The following RNF150 variants were observed in gnomAD, a reference collection of about 807,000 sequenced individuals.
RNF150 encodes the protein ring finger protein 150.
In RNF150, 24 loss-of-function variants were observed where a neutral mutation model predicts 39.3. The observed-to-expected ratio is 0.61, with a 90% CI of 0.44 to 0.86. RNF150 has a LOEUF of 0.86. Among genes scored for constraint, RNF150 ranks in the 40% least tolerant of loss-of-function variants. The pLI, the probability that RNF150 is intolerant of heterozygous loss-of-function variation, is 0.00. For synonymous variants in RNF150, 255 were observed against 227.3 expected (o/e 1.12, Z -1.10); for missense variants, 502 against 587.8 (o/e 0.85, Z 1.51).
At chr4:140,912,992 G>T (rs983040020) in intron 5 of RNF150, among the ~76,000 whole-genome samples, 1 of 150,870 alleles carries the variant, frequency 6.6e-6, no homozygotes, top group Non-Finnish European at 1.5e-5. Flanking sequence ...AAACACCATG[G>T]GCTGGGCGTG....
At chr4:141,053,578 G>A (rs1381045809) in intron 1 of RNF150, 16 of 583,604 alleles carry the variant, frequency 2.7e-5, no homozygotes, top group Non-Finnish European at 4.2e-5. Flanking sequence ...AGATATAATG[G>A]GGAAAGAAAA....
chr4:141,038,811 G>A (rs1736245876), intron 1 of RNF150, among the ~76,000 whole-genome samples: 1 of 152,170 alleles, frequency 6.6e-6, no homozygotes, highest in South Asian at 2.1e-4. Context: ...AACAGGAGTG[G>A]AGGTTACCTT....
intron 2 of RNF150, among the ~76,000 whole-genome samples, chr4:140,962,472 T>C (rs1365445753): frequency 6.7e-6 from 1 of 149,840 alleles, no homozygotes; most frequent in Non-Finnish European, 1.5e-5. Context: ...ATATGTTATA[T>C]GTATATCTCA....
chr4:140,875,609 C>T (rs1000051005), intron 6 of RNF150, among the ~76,000 whole-genome samples: 6 of 152,160 alleles, frequency 3.9e-5, no homozygotes, highest in Non-Finnish European at 8.8e-5. Flanking sequence ...TAGTTTTCAT[C>T]AGATTCTCAA....
chr4:141,065,792 T>C (rs1427786722), intron 1 of RNF150, among the ~76,000 whole-genome samples: 3 of 151,984 alleles, frequency 2.0e-5, no homozygotes, highest in Admixed American at 2.0e-4. Flanking sequence ...GTCTACTAAA[T>C]GCCGACTCCC....
chr4:140,890,605 A>C (rs1466667645), intron 6 of RNF150, among the ~76,000 whole-genome samples: 1 of 152,156 alleles, frequency 6.6e-6, no homozygotes, highest in Non-Finnish European at 1.5e-5. Flanking sequence ...CTCTCATCTC[A>C]CCACTGAGGA....
chr4:140,973,497 C>T (rs1320201073), intron 1 of RNF150, among the ~76,000 whole-genome samples: 1 of 151,952 alleles, frequency 6.6e-6, no homozygotes, highest in Non-Finnish European at 1.5e-5. Flanking sequence ...GTTGGGGTAG[C>T]ACCTCCTTTT....
chr4:141,154,302 C>T (rs971745273), intron 1 of RNF150, among the ~76,000 whole-genome samples: 3 of 152,204 alleles, frequency 2.0e-5, no homozygotes, highest in African/African-American at 7.2e-5. Context: ...ATCCTCCCCA[C>T]TCTGGTGAAA....
At chr4:140,917,194 A>C (rs935733771) in intron 5 of RNF150, among the ~76,000 whole-genome samples, 1 of 152,200 alleles carries the variant, frequency 6.6e-6, no homozygotes, top group African/African-American at 2.4e-5. Flanking sequence ...ACATAACAAT[A>C]TTAACCTTAA....
intron 2 of RNF150, among the ~76,000 whole-genome samples, chr4:140,950,750 A>G (rs1732510678): frequency 6.6e-6 from 1 of 152,258 alleles, no homozygotes; most frequent in African/African-American, 2.4e-5. Flanking sequence ...CTCTAAGTAC[A>G]CAGCAGTTAA....
At chr4:141,056,071 A>C (rs1736955829) in intron 1 of RNF150, among the ~76,000 whole-genome samples, 1 of 152,154 alleles carries the variant, frequency 6.6e-6, no homozygotes, top group Non-Finnish European at 1.5e-5. Flanking sequence ...ATTTTGCATA[A>C]ATTATTTTGT....
intron 6 of RNF150, among the ~76,000 whole-genome samples, chr4:140,896,695 AAAAAAC>A (rs1167941059): frequency 1.1e-3 from 94 of 82,252 alleles, no homozygotes; most frequent in African/African-American, 2.8e-3. Flanking sequence ...AATAAAAAAA[AAAAAAC>A]AAAAAAACAA....
chr4:140,936,393 C>T (rs2111347040), intron 4 of RNF150, among the ~76,000 whole-genome samples: 1 of 152,246 alleles, frequency 6.6e-6, no homozygotes, highest in African/African-American at 2.4e-5. Context: ...TTTTAAACTC[C>T]TACTACACTG....
chr4:140,924,899 G>C (rs1560970395), intron 5 of RNF150, among the ~76,000 whole-genome samples: 1 of 152,236 alleles, frequency 6.6e-6, no homozygotes, highest in African/African-American at 2.4e-5. Flanking sequence ...TTCAGCCAAT[G>C]CATGTCCTCA....
intron 1 of RNF150, among the ~76,000 whole-genome samples, chr4:140,984,626 T>C (rs1733964797): frequency 6.6e-6 from 1 of 152,142 alleles, no homozygotes; most frequent in African/African-American, 2.4e-5. Flanking sequence ...CCCTATCCCA[T>C]ACATTTTAGT....
chr4:140,963,498 A>G (rs1399206973), intron 2 of RNF150, among the ~76,000 whole-genome samples: 1 of 152,108 alleles, frequency 6.6e-6, no homozygotes, highest in East Asian at 1.9e-4. Flanking sequence ...TTAAATAGCC[A>G]CACATGGCTA....
At chr4:141,099,357 A>C (rs1226565598) in intron 1 of RNF150, among the ~76,000 whole-genome samples, 3 of 152,116 alleles carry the variant, frequency 2.0e-5, no homozygotes, top group Admixed American at 6.5e-5. Context: ...GAAGATATTG[A>C]TCAGTTATCA....
upstream of RNF150, among the ~76,000 whole-genome samples, chr4:141,133,668 C>G (rs1282917022): frequency 6.6e-6 from 1 of 152,070 alleles, no homozygotes; most frequent in African/African-American, 2.4e-5. Context: ...ACCCCTCGAC[C>G]TTTGAGTACG....
chr4:141,143,730 T>C (rs1727158386), intron 1 of RNF150, among the ~76,000 whole-genome samples: 1 of 152,194 alleles, frequency 6.6e-6, no homozygotes, highest in Non-Finnish European at 1.5e-5. Flanking sequence ...TGTTTTGTTT[T>C]TTTCAGATCC....
Sources: gnomAD v4.1 joint callset for allele counts (sites outside exome capture counted in the v4.1 genomes callset) on GRCh38, gnomAD v4.1.1 for gene constraint, MANE v1.5 for transcripts, NCBI Gene and HGNC (gene_info 2026-07-23, HGNC 2026-07-21) for gene names.